OR56A3: variants seen among roughly 807,000 people sequenced by gnomAD.
The protein encoded by OR56A3 is olfactory receptor family 56 subfamily A member 3.
Under a neutral mutation model 17.5 loss-of-function variants are expected in OR56A3, and 23 were observed. That is an observed-to-expected ratio of 1.32 (90% CI 0.95 to 1.87). The LOEUF is 1.87. OR56A3 is among the 40% of genes most tolerant of loss of function. The pLI is 0.00. For missense variants in OR56A3, 366 were observed against 380.1 expected (o/e 0.96, Z 0.31); for synonymous variants, 175 against 150.6 (o/e 1.16, Z -1.19).
the OR56A3 span, chr11:6,002,657 G>C: frequency 6.2e-7 from 1 of 1,614,202 alleles, no homozygotes; most frequent in Non-Finnish European, 8.5e-7. Flanking sequence ...AGGACTCCAT[G>C]GTCAAAAAAC....
the OR56A3 span, among the ~76,000 whole-genome samples, chr11:5,966,733 G>A: frequency 1.3e-5 from 2 of 152,272 alleles, no homozygotes; most frequent in African/African-American, 4.8e-5. Flanking sequence ...AGGACTGAAA[G>A]TAGGATGAGA....
the OR56A3 span, among the ~76,000 whole-genome samples, chr11:5,967,371 C>T: frequency 6.6e-6 from 1 of 152,108 alleles, no homozygotes; most frequent in Non-Finnish European, 1.5e-5. Flanking sequence ...CACTAAGATT[C>T]CAGTCAGTGA....
At chr11:6,003,204 C>G in the OR56A3 span, 1 of 1,090,484 alleles carries the variant, frequency 9.2e-7, no homozygotes, top group Non-Finnish European at 1.3e-6. Context: ...GTTTTATATT[C>G]ATTATCTCAT....
chr11:6,013,153 A>T, the OR56A3 span, among the ~76,000 whole-genome samples: 2 of 152,220 alleles, frequency 1.3e-5, no homozygotes, highest in African/African-American at 4.8e-5. Context: ...AGCTGCAGCC[A>T]TGCCTGGGAG....
chr11:5,980,667 ACCC>A, the OR56A3 span, among the ~76,000 whole-genome samples: 1 of 151,932 alleles, frequency 6.6e-6, no homozygotes, highest in Non-Finnish European at 1.5e-5. Context: ...TGGGGTTTTT[ACCC>A]CATTTATTCT....
the OR56A3 span, among the ~76,000 whole-genome samples, chr11:5,985,052 G>T: frequency 6.6e-6 from 1 of 152,084 alleles, no homozygotes; most frequent in South Asian, 2.1e-4. Flanking sequence ...CACTCCACAT[G>T]CCCTATTTCC....
chr11:5,943,804 G>T lies in OR56A3; in HGVS notation c.-313-1002G>T, dbSNP rs1047127900. Among the ~76,000 whole-genome samples, 4 of 152,186 alleles carry T rather than the reference G, an allele frequency of 2.6e-5. No individual in the cohort carries two copies. The East Asian group carries it at 7.7e-4, about 29-fold the overall frequency. On this transcript the variant is annotated intron_variant, in intron 1 of 2. Coordinates refer to ENST00000641160, the MANE Select transcript of OR56A3 (RefSeq NM_001003443.3). ...TGTGATTTTTAACTGTAAAAATTTT[G>T]CAGAAAGTAGGATCAGAGGATGCAA...
At chr11:5,943,264 A>G (rs1027174205) in intron 1 of OR56A3, 8 of 152,196 alleles carry the variant, frequency 5.3e-5, no homozygotes, top group Admixed American at 2.6e-4. Flanking sequence ...CAGAAATTTC[A>G]TCTTAGTGCT....
At chr11:5,994,694 G>T in the OR56A3 span, 1 of 831,682 alleles carries the variant, frequency 1.2e-6, no homozygotes, top group Non-Finnish European at 2.1e-6. Context: ...AGCAAGACGG[G>T]CATTGTCGAT....
At chr11:5,955,026 G>A (rs2134368315), downstream of OR56A3, among the ~76,000 whole-genome samples, 2 of 152,266 alleles carry the variant, frequency 1.3e-5, no homozygotes, top group South Asian at 4.2e-4. Flanking sequence ...AAATATACAG[G>A]AATAAAGAAC....
the OR56A3 span, among the ~76,000 whole-genome samples, chr11:5,966,372 T>C: frequency 8.5e-5 from 13 of 152,122 alleles, no homozygotes; most frequent in Admixed American, 2.0e-4. Context: ...AGACCCTGTC[T>C]CCCTATCTCA....
chr11:5,952,789 C>T (rs2134366895), downstream of OR56A3, among the ~76,000 whole-genome samples: 1 of 152,124 alleles, frequency 6.6e-6, no homozygotes, highest in East Asian at 1.9e-4. Flanking sequence ...TTGTTTTCAA[C>T]ATATATCCCT....
chr11:6,010,817 ATGTGTGTGTGTGTGTG>A, the OR56A3 span, among the ~76,000 whole-genome samples: 5 of 149,766 alleles, frequency 3.3e-5, no homozygotes, highest in South Asian at 4.2e-4. Flanking sequence ...CAAGACAGAA[ATGTGTGTGTGTGTGTG>A]TGTGTGTGTG....
the OR56A3 span, chr11:6,002,673 A>C: frequency 6.2e-7 from 1 of 1,614,246 alleles, no homozygotes; most frequent in Middle Eastern, 1.6e-4. Context: ...AAAACTGTTC[A>C]TGATGAACAT....
chr11:5,948,956 GGA>G lies in OR56A3; in HGVS notation c.*663_*664del, dbSNP rs1179682088. On this transcript the variant is annotated 3_prime_UTR_variant, in exon 3 of 3. Transcript: ENST00000641160. ...GTAACAATTATCAATGAGTTTTACT[GGA>G]TATATGAGATTCTTGAATCCTCTTC... 1 of 152,268 alleles carries G rather than the reference GGA, an allele frequency of 6.6e-6. No homozygotes were observed. Among genetic ancestry groups the G allele is most frequent in the African/African-American group, 2.4e-5 (1 of 41,434 alleles). 9.4% of individuals were successfully genotyped at this position (152,268 alleles called of 1,614,324 possible). A position where few individuals can be genotyped will look rare whatever the true frequency, so the allele number is the denominator to read the frequency against.
the OR56A3 span, among the ~76,000 whole-genome samples, chr11:5,973,738 G>C: frequency 6.6e-6 from 1 of 152,240 alleles, no homozygotes; most frequent in South Asian, 2.1e-4. Context: ...TTTTGTGGTT[G>C]AGCAGGCTGA....
the OR56A3 span, among the ~76,000 whole-genome samples, chr11:5,982,368 C>T: frequency 5.9e-5 from 9 of 152,168 alleles, no homozygotes; most frequent in East Asian, 1.7e-3. Flanking sequence ...GGGCAGGGTG[C>T]AGGTGAGTGC....
the OR56A3 span, among the ~76,000 whole-genome samples, chr11:5,998,125 G>T: frequency 2.0e-5 from 3 of 152,184 alleles, no homozygotes; most frequent in Admixed American, 1.3e-4. Context: ...GATGACAATT[G>T]TGTTGCAGAC....
chr11:5,955,137 C>A (rs964353105), downstream of OR56A3, among the ~76,000 whole-genome samples: 1 of 152,062 alleles, frequency 6.6e-6, no homozygotes, highest in African/African-American at 2.4e-5. Flanking sequence ...AGTGGAGAGA[C>A]CATACTGAAT....
Sources: gnomAD v4.1 joint callset for allele counts (sites outside exome capture counted in the v4.1 genomes callset) on GRCh38, gnomAD v4.1.1 for gene constraint, MANE v1.5 for transcripts, NCBI Gene and HGNC (gene_info 2026-07-23, HGNC 2026-07-21) for gene names.